Variants in PHF20 observed in about 807,000 individuals in gnomAD.
PHF20 encodes the protein PHD finger protein 20.
A neutral mutation model predicts 113.5 loss-of-function variants in PHF20; 23 were observed. That is an observed-to-expected ratio of 0.20 (90% CI 0.15 to 0.29). PHF20 has a LOEUF of 0.29. Among genes scored for constraint, PHF20 ranks in the 10% least tolerant of loss-of-function variants. The pLI, the probability that PHF20 is intolerant of heterozygous loss-of-function variation, is 1.00. For missense variants in PHF20, 943 were observed against 1,219.6 expected (o/e 0.77, Z 3.38); for synonymous variants, 434 against 457.3 (o/e 0.95, Z 0.65).
At chr20:35,854,061 A>G (rs1568656122) in intron 4 of PHF20, among the ~76,000 whole-genome samples, 1 of 151,936 alleles carries the variant, frequency 6.6e-6, no homozygotes, top group African/African-American at 2.4e-5. Flanking sequence ...GCCGATGAAG[A>G]CCCTGTTTCT....
intron 2 of PHF20, among the ~76,000 whole-genome samples, chr20:35,808,926 C>T (rs1238310898): frequency 6.6e-6 from 1 of 151,476 alleles, no homozygotes; most frequent in Non-Finnish European, 1.5e-5. Flanking sequence ...AACGTTATGG[C>T]CATCTTGTAC....
rs1475662236 is a variant in PHF20, at chr20:35,950,014, T to C, written c.*2387T>C. On this transcript the variant is annotated 3_prime_UTR_variant, in exon 18 of 18. Coordinates refer to ENST00000374012, the MANE Select transcript of PHF20 (RefSeq NM_016436.5). ...GTTGAAGTGAGCCGAGATTGCGCTATTGCACTCCAGCTCGGGCGACAACTG... is the reference window on the plus strand; with the variant it reads ...GTTGAAGTGAGCCGAGATTGCGCTACTGCACTCCAGCTCGGGCGACAACTG... 6.6e-6 allele frequency: 1 copy of C among 152,318 alleles called. No homozygotes were observed. The highest frequency in any genetic ancestry group is 1.9e-4 in the East Asian group (1 of 5,184). The allele number at this position is 152,318 out of a possible 1,614,324, so 9.4% of individuals were successfully genotyped here. A position where few individuals can be genotyped will look rare whatever the true frequency, so the allele number is the denominator to read the frequency against.
At chr20:35,807,438 C>T (rs113183680) in intron 2 of PHF20, among the ~76,000 whole-genome samples, 7,146 of 151,142 alleles carry the variant, frequency 0.047, 210 homozygotes, top group African/African-American at 0.088. Flanking sequence ...CTGCAACCTC[C>T]GCCTCCCAGG....
intron 9 of PHF20, among the ~76,000 whole-genome samples, chr20:35,892,488 C>T (rs2054894119): frequency 6.6e-6 from 1 of 152,118 alleles, no homozygotes; most frequent in Admixed American, 6.6e-5. Context: ...GGATTACAGG[C>T]ATGAGCCACC....
chr20:35,849,413 A>C, intron 4 of PHF20: 2 of 470,620 alleles, frequency 4.2e-6, no homozygotes, highest in South Asian at 3.1e-5. Flanking sequence ...CCTGCTTCAA[A>C]GTAGAATGAA....
At chr20:35,829,044 C>A (rs2042312176) in intron 2 of PHF20, among the ~76,000 whole-genome samples, 1 of 152,142 alleles carries the variant, frequency 6.6e-6, no homozygotes, top group Non-Finnish European at 1.5e-5. Flanking sequence ...AGGGGGCTCA[C>A]TCACAGGGCT....
chr20:35,876,493 C>T (rs1472083899), intron 9 of PHF20, among the ~76,000 whole-genome samples: 1 of 151,832 alleles, frequency 6.6e-6, no homozygotes, highest in Non-Finnish European at 1.5e-5. Context: ...GTTGCTTGAA[C>T]CTGGGAGGTG....
chr20:35,931,195 T>C, intron 14 of PHF20, 54 bp from the exon 15 acceptor site: 1 of 1,241,570 alleles, frequency 8.1e-7, no homozygotes, highest in Non-Finnish European at 1.2e-6. Flanking sequence ...AGTGATGAAA[T>C]GGCCTGGGTT....
At chr20:35,946,177 GA>G (rs1273179710) in intron 17 of PHF20, among the ~76,000 whole-genome samples, 1 of 147,238 alleles carries the variant, frequency 6.8e-6, no homozygotes, top group South Asian at 2.2e-4. Context: ...TGTCTCAAAA[GA>G]AAAAAAAAGG....
chr20:35,868,733 C>A (rs2054364077), intron 6 of PHF20, among the ~76,000 whole-genome samples: 5 of 152,316 alleles, frequency 3.3e-5, no homozygotes, highest in Admixed American at 3.3e-4. Context: ...GCAGCCTTGC[C>A]TGAAACATTG....
chr20:35,845,780 CTTTT>C (rs398061407), intron 3 of PHF20, among the ~76,000 whole-genome samples: 2 of 135,260 alleles, frequency 1.5e-5, no homozygotes, highest in Admixed American at 7.5e-5. Flanking sequence ...ATTTTTCTTT[CTTTT>C]TTTTTTTTTT....
intron 10 of PHF20, among the ~76,000 whole-genome samples, chr20:35,903,014 C>CT (rs1262758553): frequency 7.9e-5 from 9 of 114,614 alleles, no homozygotes; most frequent in African/African-American, 3.1e-4. Context: ...ATTTTCTTTT[C>CT]TTTTTTCTTT....
At chr20:35,827,020 C>T (rs1433535303) in intron 2 of PHF20, among the ~76,000 whole-genome samples, 1 of 152,216 alleles carries the variant, frequency 6.6e-6, no homozygotes, top group African/African-American at 2.4e-5. Context: ...ATCCCCATCT[C>T]CTCTCCAGCA....
intron 2 of PHF20, among the ~76,000 whole-genome samples, chr20:35,826,081 G>A (rs1452851823): frequency 1.3e-5 from 2 of 152,020 alleles, no homozygotes; most frequent in African/African-American, 4.8e-5. Flanking sequence ...TTTCGCTCTT[G>A]TCCCCCAGGC....
intron 4 of PHF20, among the ~76,000 whole-genome samples, chr20:35,850,296 G>GTTTTTTTTTGTTTT (rs2042696314): frequency 1.6e-5 from 1 of 62,322 alleles, no homozygotes; most frequent in Admixed American, 2.0e-4. Flanking sequence ...TTCCCCCTCC[G>GTTTTTTTTTGTTTT]TTTTTTTTTT....
intron 2 of PHF20, among the ~76,000 whole-genome samples, chr20:35,808,781 C>T (rs1174072156): frequency 1.3e-5 from 2 of 151,392 alleles, no homozygotes; most frequent in East Asian, 4.0e-4. Flanking sequence ...ACCATGTTGG[C>T]CAGGATGGTC....
intron 1 of PHF20, among the ~76,000 whole-genome samples, chr20:35,786,378 C>T (rs976968963): frequency 2.0e-5 from 3 of 150,530 alleles, no homozygotes; most frequent in Non-Finnish European, 4.4e-5. Context: ...TGACACAGCG[C>T]GACTCCGTCT....
intron 1 of PHF20, chr20:35,782,533 C>G (rs889303085): frequency 6.6e-6 from 1 of 152,276 alleles, no homozygotes; most frequent in Non-Finnish European, 1.5e-5. Context: ...GATCCACTCT[C>G]CTCGGCCTCC....
At chr20:35,937,544 T>G (rs1317530867) in intron 15 of PHF20, among the ~76,000 whole-genome samples, 1 of 151,542 alleles carries the variant, frequency 6.6e-6, no homozygotes, top group African/African-American at 2.4e-5. Flanking sequence ...GTTCTTACCA[T>G]GTAGATGAAG....
Sources: allele counts gnomAD v4.1 joint callset (sites outside exome capture counted in the v4.1 genomes callset), GRCh38; gene constraint gnomAD v4.1.1; transcripts MANE v1.5; gene names NCBI Gene and HGNC (gene_info 2026-07-23, HGNC 2026-07-21).